The following RTN1 variants were observed in gnomAD, a reference collection of about 807,000 sequenced individuals.
RTN1 encodes reticulon 1, also known as reticulon-1.
Under a neutral mutation model 65.5 loss-of-function variants are expected in RTN1, and 25 were observed. That is an observed-to-expected ratio of 0.38 (90% CI 0.28 to 0.53). The LOEUF (loss-of-function observed/expected upper bound fraction) is 0.53. RTN1 is among the 20% of genes least tolerant of loss of function. The pLI, the probability that RTN1 is intolerant of heterozygous loss-of-function variation, is 0.79. For synonymous variants in RTN1, 471 were observed against 447.6 expected, an observed-to-expected ratio of 1.05 and a Z score of -0.66; for missense variants, 983 against 1,025.4, an observed-to-expected ratio of 0.96 and a Z score of 0.57.
intron 1 of RTN1, among the ~76,000 whole-genome samples, chr14:59,853,833 G>A (rs1206170835): frequency 2.0e-5 from 3 of 151,212 alleles, no homozygotes; most frequent in East Asian, 1.9e-4. Flanking sequence ...TCTATTGCAG[G>A]GTTTTGCAAT....
At chr14:59,724,988 C>T (rs765369450) in intron 3 of RTN1, among the ~76,000 whole-genome samples, 2 of 152,150 alleles carry the variant, frequency 1.3e-5, no homozygotes, top group African/African-American at 4.8e-5. Context: ...GGAGATTATT[C>T]ACCTTGGCAC....
At chr14:59,652,716 T>G (rs1271451089) in intron 3 of RTN1, among the ~76,000 whole-genome samples, 2 of 152,036 alleles carry the variant, frequency 1.3e-5, no homozygotes, top group East Asian at 3.9e-4. Context: ...AAATAACTAT[T>G]GGGTACTAGG....
At chr14:59,800,564 C>T (rs1886525826) in intron 1 of RTN1, among the ~76,000 whole-genome samples, 1 of 152,046 alleles carries the variant, frequency 6.6e-6, no homozygotes, top group South Asian at 2.1e-4. Context: ...CCACGCCTGG[C>T]TAACTTCTTA....
intron 3 of RTN1, among the ~76,000 whole-genome samples, chr14:59,654,704 T>A (rs974772673): frequency 2.6e-5 from 4 of 152,052 alleles, no homozygotes; most frequent in Non-Finnish European, 5.9e-5. Flanking sequence ...ACAAAAACCA[T>A]ACAATTATCT....
chr14:59,678,704 T>C (rs939681012), intron 3 of RTN1, among the ~76,000 whole-genome samples: 3 of 152,290 alleles, frequency 2.0e-5, no homozygotes, highest in African/African-American at 4.8e-5. Context: ...CAACCTCCAC[T>C]GTCCCCATTG....
chr14:59,712,368 T>C (rs967281377), intron 3 of RTN1, among the ~76,000 whole-genome samples: 4 of 152,192 alleles, frequency 2.6e-5, no homozygotes, highest in Non-Finnish European at 5.9e-5. Flanking sequence ...TGAGATATTA[T>C]GGGTGAGGAA....
intron 1 of RTN1, among the ~76,000 whole-genome samples, chr14:59,869,457 C>T (rs931010279): frequency 6.6e-6 from 1 of 151,920 alleles, no homozygotes; most frequent in African/African-American, 2.4e-5. Flanking sequence ...CCTCAAAGCG[C>T]GCTTCCTGGA....
chr14:59,606,767 TA>T (rs1881770625), intron 4 of RTN1, among the ~76,000 whole-genome samples: 1 of 152,198 alleles, frequency 6.6e-6, no homozygotes. Context: ...TTCCCCAGTA[TA>T]AAAATGTAGA....
chr14:59,708,118 A>G lies in RTN1; in HGVS notation c.1765+18801T>C, dbSNP rs183147649. ...ATTGTTAAATCATTCGTTAAAAACA[A>G]CTCCAAGCATTAGCACCTAATGTGC... On this transcript the variant is annotated intron_variant, in intron 3 of 8. Transcript: ENST00000267484. Among the ~76,000 whole-genome samples the G allele has an allele frequency of 5.3e-5, 8 of 152,342 alleles. No homozygotes were observed. The East Asian group carries it at 1.5e-3, about 29-fold the overall frequency.
At chr14:59,655,631 A>G (rs1883107480) in intron 3 of RTN1, among the ~76,000 whole-genome samples, 2 of 152,340 alleles carry the variant, frequency 1.3e-5, no homozygotes, top group South Asian at 4.1e-4. Context: ...AGACATATAG[A>G]TCAATGGAAC....
At chr14:59,696,714 C>G (rs1344318398) in intron 3 of RTN1, among the ~76,000 whole-genome samples, 1 of 152,130 alleles carries the variant, frequency 6.6e-6, no homozygotes, top group Non-Finnish European at 1.5e-5. Context: ...CTGCTGTAAC[C>G]TAGCTGTTGA....
At chr14:59,785,688 G>C (rs1886238134) in intron 1 of RTN1, among the ~76,000 whole-genome samples, 1 of 152,166 alleles carries the variant, frequency 6.6e-6, no homozygotes, top group African/African-American at 2.4e-5. Context: ...AACTGCCACT[G>C]AAAAAGGTAA....
At chr14:59,618,911 T>C (rs555483832) in intron 3 of RTN1, among the ~76,000 whole-genome samples, 1 of 152,362 alleles carries the variant, frequency 6.6e-6, no homozygotes, top group South Asian at 2.1e-4. Context: ...AAAATTTGGA[T>C]CCTGCTTTTA....
chr14:59,617,245 C>G (rs745491205), intron 3 of RTN1, among the ~76,000 whole-genome samples: 1 of 152,186 alleles, frequency 6.6e-6, no homozygotes, highest in Non-Finnish European at 1.5e-5. Flanking sequence ...GGTTCCTGAC[C>G]TGTGGTAAGT....
intron 3 of RTN1, among the ~76,000 whole-genome samples, chr14:59,671,317 C>T (rs1368433600): frequency 6.6e-6 from 1 of 152,136 alleles, no homozygotes; most frequent in Non-Finnish European, 1.5e-5. Flanking sequence ...GCTATAGGCC[C>T]ACGATCCAGA....
At chr14:59,680,911 A>G (rs756650326) in intron 3 of RTN1, among the ~76,000 whole-genome samples, 7 of 152,030 alleles carry the variant, frequency 4.6e-5, no homozygotes, top group Non-Finnish European at 1.0e-4. Context: ...TTATCATATC[A>G]AGTTAAAAAA....
chr14:59,624,984 A>G (rs1350335087), intron 3 of RTN1, among the ~76,000 whole-genome samples: 1 of 152,232 alleles, frequency 6.6e-6, no homozygotes, highest in African/African-American at 2.4e-5. Flanking sequence ...TTATAAGGTA[A>G]CTTAAAATAT....
intron 1 of RTN1, among the ~76,000 whole-genome samples, chr14:59,800,304 G>A (rs1886517702): frequency 6.6e-6 from 1 of 152,126 alleles, no homozygotes; most frequent in Non-Finnish European, 1.5e-5. Flanking sequence ...TCATTTCTGG[G>A]CATAAATGCT....
At chr14:59,681,060 T>C (rs749442727) in intron 3 of RTN1, among the ~76,000 whole-genome samples, 2 of 152,246 alleles carry the variant, frequency 1.3e-5, no homozygotes, top group Admixed American at 6.5e-5. Context: ...TAAGTTTCTA[T>C]ATTAATAGTA....
Sources: allele counts gnomAD v4.1 joint callset (sites outside exome capture counted in the v4.1 genomes callset), GRCh38; gene constraint gnomAD v4.1.1; transcripts MANE v1.5; gene names NCBI Gene and HGNC (gene_info 2026-07-23, HGNC 2026-07-21).